ZNF395: variants seen among roughly 807,000 people sequenced by gnomAD.
The protein encoded by ZNF395 is HD gene regulatory region-binding protein 2.
Under a neutral mutation model 57.7 loss-of-function variants are expected in ZNF395, and 20 were observed. The ratio of observed to expected loss-of-function variants is 0.35; its 90% CI spans 0.24 to 0.50. The LOEUF is 0.50. ZNF395 is among the 20% of genes least tolerant of loss of function. The pLI, the probability that ZNF395 is intolerant of heterozygous loss-of-function variation, is 0.97. For missense variants in ZNF395, 606 were observed against 671.2 expected (o/e 0.90, Z 1.07); for synonymous variants, 295 against 275.9 (o/e 1.07, Z -0.69).
intron 1 of ZNF395, among the ~76,000 whole-genome samples, chr8:28,369,970 GC>G (rs1237668274): frequency 6.6e-6 from 1 of 152,194 alleles, no homozygotes; most frequent in Non-Finnish European, 1.5e-5. Context: ...GTGTATAAAA[GC>G]ACTTAATACG....
At position 28,356,912 on chromosome 8, in the gene ZNF395, C is replaced by T. The variant is rs771788963; in HGVS notation, c.474-133G>A. On this transcript the variant is annotated intron_variant, in intron 3 of 9. Coordinates refer to ENST00000344423, the MANE Select transcript of ZNF395 (RefSeq NM_018660.3). The surrounding 1 kb of genome is among the most constrained non-coding windows in gnomAD (Gnocchi z 4.0). ...CTTCTGGACTGTCCCCTCCAAGTGC[C>T]CCCAACTCCAATCAGCCAGTGTGTG... 14 of 662,828 alleles carry T rather than the reference C, an allele frequency of 2.1e-5. No homozygotes were observed. The highest frequency in any genetic ancestry group is 2.3e-5 in the Non-Finnish European group (9 of 383,684). The allele number at this position is 662,828 out of a possible 1,614,324, so 41.1% of individuals were successfully genotyped here. A position where few individuals can be genotyped will look rare whatever the true frequency, so the allele number is the denominator to read the frequency against.
rs774832287 is a variant in ZNF395, at chr8:28,353,349, T to C, written c.643A>G (p.Ser215Gly). The C allele has an allele frequency of 6.2e-7, 1 of 1,600,538 alleles. No homozygotes were observed. The highest frequency in any genetic ancestry group is 1.1e-5 in the South Asian group (1 of 89,004). Residue 215 changes from serine to glycine, a missense_variant, in exon 5 of 10, where the codon AGC becomes GGC. By Grantham distance (56) the Ser-to-Gly change is moderately conservative. Around this residue, in one of 3 missense-constraint regions of ZNF395, gnomAD observed 309 missense variants for 374.7 expected, o/e 0.82. Transcript: ENST00000344423. ...ESGDISDSGS[S>G]TTSGHWSGSS... The stretch of plus-strand genomic sequence containing the variant: ...CCACTCCAGTGACCGCTGGTAGTGC[T>C]GCTGCCGCTGTCCGAGATGTCACCA...
At chr8:28,370,133 T>C (rs188259280) in intron 1 of ZNF395, among the ~76,000 whole-genome samples, 1 of 152,054 alleles carries the variant, frequency 6.6e-6, no homozygotes, top group Non-Finnish European at 1.5e-5. Flanking sequence ...ATGAGTTAGA[T>C]GAATATCCAT....
chr8:28,379,158 T>C (rs897780362), intron 1 of ZNF395, among the ~76,000 whole-genome samples: 1 of 152,224 alleles, frequency 6.6e-6, no homozygotes, highest in Non-Finnish European at 1.5e-5. Context: ...GGTGCTACTG[T>C]GTACCCAATG....
intron 1 of ZNF395, among the ~76,000 whole-genome samples, chr8:28,367,395 C>T (rs1438056066): frequency 6.6e-6 from 1 of 152,100 alleles, no homozygotes; most frequent in Non-Finnish European, 1.5e-5. Context: ...TTTCATATTC[C>T]AGCAGATGGG....
intron 1 of ZNF395, among the ~76,000 whole-genome samples, chr8:28,383,044 T>C (rs1042555880): frequency 6.6e-6 from 1 of 152,194 alleles, no homozygotes; most frequent in African/African-American, 2.4e-5. Context: ...TGCTTTACAA[T>C]GAGTAAATTA....
At chr8:28,375,768 G>C (rs1391213161) in intron 1 of ZNF395, among the ~76,000 whole-genome samples, 1 of 152,094 alleles carries the variant, frequency 6.6e-6, no homozygotes. Flanking sequence ...TAGATAACAA[G>C]ATTAAAATGG....
chr8:28,377,752 T>C (rs1420789702), intron 1 of ZNF395, among the ~76,000 whole-genome samples: 1 of 141,188 alleles, frequency 7.1e-6, no homozygotes, highest in Non-Finnish European at 1.5e-5. Flanking sequence ...ATCCCACTTT[T>C]TTTTTTTTTT....
At chr8:28,366,837 C>T (rs949158547) in intron 1 of ZNF395, among the ~76,000 whole-genome samples, 1 of 144,540 alleles carries the variant, frequency 6.9e-6, no homozygotes, top group Non-Finnish European at 1.5e-5. Context: ...AAAAAAGACA[C>T]TTCGCTAAGC....
chr8:28,380,760 C>A (rs933608271), intron 1 of ZNF395, among the ~76,000 whole-genome samples: 5 of 152,198 alleles, frequency 3.3e-5, no homozygotes, highest in Non-Finnish European at 7.3e-5. Flanking sequence ...TAATTTGATA[C>A]GATTCAGCTG....
intron 1 of ZNF395, among the ~76,000 whole-genome samples, chr8:28,363,668 G>A (rs112459268): frequency 4.6e-5 from 7 of 152,234 alleles, no homozygotes; most frequent in African/African-American, 9.6e-5. Context: ...GCCTCCCCAC[G>A]TTCTAGAGCA....
chr8:28,366,064 A>T (rs566184409), intron 1 of ZNF395, among the ~76,000 whole-genome samples: 2 of 152,232 alleles, frequency 1.3e-5, no homozygotes, highest in African/African-American at 4.8e-5. Flanking sequence ...AACACAAGTC[A>T]TAAGTCAAAG....
Position 28,348,464 on chromosome 8 carries a change from A to G in ZNF395, c.*255T>C. 2.2e-6 allele frequency: 1 copy of G among 444,840 alleles called. No homozygotes were observed. The highest frequency in any genetic ancestry group is 4.2e-6 in the Non-Finnish European group (1 of 239,796). The allele number at this position is 444,840 out of a possible 1,614,324, so 27.6% of individuals were successfully genotyped here. On this transcript the variant is annotated 3_prime_UTR_variant, in exon 10 of 10. Coordinates refer to ENST00000344423, the MANE Select transcript of ZNF395 (RefSeq NM_018660.3). ...TAATTAATTCTTTGGTCACTGGTTCACTGCTGAATAGCCTTGGTCAGTTTT... is the reference window on the plus strand; with the variant it reads ...TAATTAATTCTTTGGTCACTGGTTCGCTGCTGAATAGCCTTGGTCAGTTTT...
chr8:28,381,633 C>T (rs2129999219), intron 1 of ZNF395, among the ~76,000 whole-genome samples: 1 of 152,308 alleles, frequency 6.6e-6, no homozygotes, highest in Middle Eastern at 3.4e-3. Context: ...AACTTAGTCA[C>T]TTCAGCTGGA....
chr8:28,364,480 C>T (rs752098718), intron 1 of ZNF395, among the ~76,000 whole-genome samples: 1 of 152,060 alleles, frequency 6.6e-6, no homozygotes, highest in African/African-American at 2.4e-5. Context: ...TGGTGAAACC[C>T]TATCTCTACT....
chr8:28,349,793 C>T (rs1019376061), intron 8 of ZNF395, among the ~76,000 whole-genome samples: 8 of 152,244 alleles, frequency 5.3e-5, no homozygotes, highest in African/African-American at 1.2e-4. Flanking sequence ...ACCCCAGCCT[C>T]GCCTGGTGAT....
intron 8 of ZNF395, among the ~76,000 whole-genome samples, chr8:28,349,465 C>T (rs1199336340): frequency 6.6e-6 from 1 of 152,196 alleles, no homozygotes; most frequent in Non-Finnish European, 1.5e-5. Flanking sequence ...GGACCTGGCC[C>T]CCTCTGAGGC....
In ZNF395 at chr8:28,384,314, T is replaced by A. The variant is rs889159955; in HGVS notation, c.-59+2079A>T. Reference sequence around the variant, plus strand: ...TCTATCTCCTACTGTTCAGGATACATTCCCTGGTATGGCTAAGGACATCTC... The same window carrying A: ...TCTATCTCCTACTGTTCAGGATACAATCCCTGGTATGGCTAAGGACATCTC... On this transcript the variant is annotated intron_variant, in intron 1 of 9. Transcript: ENST00000344423. Among the ~76,000 whole-genome samples the A allele has an allele frequency of 2.6e-5, 4 of 152,206 alleles. No homozygotes were observed. In the East Asian group the frequency reaches 7.7e-4, roughly 29 times the overall value.
intron 1 of ZNF395, among the ~76,000 whole-genome samples, chr8:28,379,120 A>C (rs1802079998): frequency 6.6e-6 from 1 of 152,186 alleles, no homozygotes; most frequent in South Asian, 2.1e-4. Flanking sequence ...CCTCCTTCCT[A>C]TGTCTGATAA....
Sources: gnomAD v4.1 joint callset for allele counts (sites outside exome capture counted in the v4.1 genomes callset) on GRCh38, gnomAD v4.1.1 for gene constraint, gnomAD v4.1.1 regional missense constraint, Gnocchi (gnomAD v3.1) non-coding constraint, MANE v1.5 for transcripts, NCBI Gene and HGNC (gene_info 2026-07-23, HGNC 2026-07-21) for gene names.